LRTM1: variants seen among roughly 807,000 people sequenced by gnomAD.
LRTM1 encodes the protein leucine-rich repeat and transmembrane domain-containing protein 1.
Under a neutral mutation model 32.4 loss-of-function variants are expected in LRTM1, and 38 were observed. The ratio of observed to expected loss-of-function variants is 1.17; its 90% CI spans 0.91 to 1.54. The LOEUF (loss-of-function observed/expected upper bound fraction) is 1.54, where lower values mean the gene tolerates loss of function less well. Ranked by LOEUF, LRTM1 falls within the 40% of genes most tolerant of loss-of-function variation. LRTM1 has a pLI of 0.00. For synonymous variants in LRTM1, 186 were observed against 169.9 expected (o/e 1.09, Z -0.74); for missense variants, 466 against 415.4 (o/e 1.12, Z -1.06).
intron 1 of LRTM1, among the ~76,000 whole-genome samples, chr3:54,961,801 G>A (rs1055792732): frequency 6.6e-6 from 1 of 152,144 alleles, no homozygotes; most frequent in African/African-American, 2.4e-5. Context: ...GACATCTTCT[G>A]TTTTCTTTTG....
chr3:54,966,531 A>G (rs1263638436), intron 1 of LRTM1, among the ~76,000 whole-genome samples: 1 of 152,126 alleles, frequency 6.6e-6, no homozygotes, highest in Non-Finnish European at 1.5e-5. Flanking sequence ...CTTTTAAAAC[A>G]TACCCAAGCC....
At chr3:54,960,112 A>C (rs1701995927) in intron 1 of LRTM1, among the ~76,000 whole-genome samples, 1 of 152,132 alleles carries the variant, frequency 6.6e-6, no homozygotes, top group African/African-American at 2.4e-5. Flanking sequence ...TTATGAAAGA[A>C]ATGTGTGGCC....
At chr3:54,920,878 T>C (rs1700826098) in intron 2 of LRTM1, among the ~76,000 whole-genome samples, 1 of 152,130 alleles carries the variant, frequency 6.6e-6, no homozygotes, top group Non-Finnish European at 1.5e-5. Flanking sequence ...CCAGACTTTC[T>C]GTTGTTCGGT....
intron 1 of LRTM1, among the ~76,000 whole-genome samples, chr3:54,950,715 G>A (rs957572311): frequency 3.3e-5 from 5 of 152,124 alleles, no homozygotes; most frequent in African/African-American, 4.8e-5. Context: ...TTTACTGCTC[G>A]GCTGTGAGAT....
chr3:54,963,251 T>G (rs1337501087), intron 1 of LRTM1, among the ~76,000 whole-genome samples: 1 of 152,164 alleles, frequency 6.6e-6, no homozygotes, highest in Non-Finnish European at 1.5e-5. Context: ...ACCTAAGTCA[T>G]CTCATTTCTT....
At chr3:54,958,206 T>C (rs1201142878) in intron 1 of LRTM1, among the ~76,000 whole-genome samples, 8 of 152,204 alleles carry the variant, frequency 5.3e-5, no homozygotes, top group Admixed American at 5.2e-4. Context: ...GAAGCAGGTT[T>C]AACTGCTGAC....
intron 1 of LRTM1, among the ~76,000 whole-genome samples, chr3:54,944,313 CCACGT>C (rs1212514447): frequency 2.6e-5 from 4 of 151,936 alleles, no homozygotes; most frequent in Non-Finnish European, 5.9e-5. Flanking sequence ...TTATTATCTG[CCACGT>C]TTTCTTTTCC....
upstream of LRTM1, among the ~76,000 whole-genome samples, chr3:54,929,363 C>T (rs544329959): frequency 2.6e-5 from 4 of 152,264 alleles, no homozygotes; most frequent in South Asian, 2.1e-4. Flanking sequence ...CAACCTGGAC[C>T]GGTCAGCAGG....
chr3:54,946,344 T>C (rs1701613955), intron 1 of LRTM1, among the ~76,000 whole-genome samples: 1 of 152,218 alleles, frequency 6.6e-6, no homozygotes, highest in South Asian at 2.1e-4. Context: ...TGGTTATTGG[T>C]TGCATAATAT....
At chr3:54,957,116 A>G (rs962131094) in intron 1 of LRTM1, among the ~76,000 whole-genome samples, 16 of 152,140 alleles carry the variant, frequency 1.1e-4, no homozygotes, top group African/African-American at 3.9e-4. Context: ...TACTACTGCT[A>G]TGATTACTAT....
intron 1 of LRTM1, among the ~76,000 whole-genome samples, chr3:54,940,085 A>G (rs548142393): frequency 6.6e-6 from 1 of 152,304 alleles, no homozygotes; most frequent in East Asian, 1.9e-4. Flanking sequence ...GGACAGCTCA[A>G]TCTTCTATGG....
chr3:54,918,341 T>C lies in LRTM1; in HGVS notation c.*118A>G, dbSNP rs924086880. Reference sequence around the variant, plus strand: ...CACATCTTTTTTTTTTCTTTTTTTTTTTTTTTTTTTTTTTGTCTTTTGGCA... The same window carrying C: ...CACATCTTTTTTTTTTCTTTTTTTTCTTTTTTTTTTTTTTGTCTTTTGGCA... On this transcript the variant is annotated 3_prime_UTR_variant, in exon 3 of 3. Coordinates refer to ENST00000273286, the MANE Select transcript of LRTM1 (RefSeq NM_020678.4). The C allele has an allele frequency of 4.6e-4, 169 of 368,252 alleles. 1 individual carries two copies. Among genetic ancestry groups the C allele is most frequent in the East Asian group, 2.1e-3 (37 of 17,276 alleles). 22.8% of individuals were successfully genotyped at this position (368,252 alleles called of 1,614,324 possible).
At chr3:54,938,645 G>GAT (rs1470582042) in intron 1 of LRTM1, among the ~76,000 whole-genome samples, 10 of 147,892 alleles carry the variant, frequency 6.8e-5, no homozygotes, top group African/African-American at 2.5e-4. Flanking sequence ...TATACATCTT[G>GAT]ATATAGACTC....
intron 1 of LRTM1, 61 bp downstream of exon 1, chr3:54,927,844 G>A: frequency 6.4e-7 from 1 of 1,571,780 alleles, no homozygotes; most frequent in Non-Finnish European, 8.8e-7. Context: ...ATACCTTTGT[G>A]AGGGGATACC....
upstream of LRTM1, among the ~76,000 whole-genome samples, chr3:54,932,716 A>G (rs141208054): frequency 1.7e-3 from 263 of 152,262 alleles, no homozygotes; most frequent in African/African-American, 5.8e-3. Context: ...ATTTCTCCCA[A>G]TTGTAAGGTC....
At chr3:54,942,741 TAGGCC>T (rs923561431) in intron 1 of LRTM1, among the ~76,000 whole-genome samples, 16 of 151,296 alleles carry the variant, frequency 1.1e-4, no homozygotes, top group Admixed American at 3.3e-4. Context: ...TAAAAAAAAT[TAGGCC>T]AGGCACAGTG....
intron 1 of LRTM1, among the ~76,000 whole-genome samples, chr3:54,925,985 A>G (rs1011967807): frequency 5.9e-5 from 9 of 152,216 alleles, no homozygotes; most frequent in African/African-American, 2.2e-4. Flanking sequence ...ATTTTCTATA[A>G]TAGTTCTGCA....
intron 1 of LRTM1, among the ~76,000 whole-genome samples, chr3:54,940,997 T>C (rs1701452152): frequency 6.6e-6 from 1 of 152,098 alleles, no homozygotes. Context: ...TAAAACCAGT[T>C]AACACATTTA....
intron 2 of LRTM1, among the ~76,000 whole-genome samples, chr3:54,920,411 C>T (rs1700808590): frequency 8.3e-6 from 1 of 119,866 alleles, no homozygotes; most frequent in African/African-American, 3.2e-5. Context: ...GAATCACCCA[C>T]CACCAGAGTG....
Sources: allele counts gnomAD v4.1 joint callset (sites outside exome capture counted in the v4.1 genomes callset), GRCh38; gene constraint gnomAD v4.1.1; transcripts MANE v1.5; gene names NCBI Gene and HGNC (gene_info 2026-07-23, HGNC 2026-07-21).